PARD3: variants seen among roughly 807,000 people sequenced by gnomAD.
PARD3 encodes the protein partitioning defective 3 homolog.
PARD3 carries 75 observed loss-of-function variants against 155.4 expected under a neutral mutation model. That is an observed-to-expected ratio of 0.48 (90% CI 0.40 to 0.58). The LOEUF (loss-of-function observed/expected upper bound fraction) is 0.58, where lower values mean the gene tolerates loss of function less well. Among genes scored for constraint, PARD3 ranks in the 20% least tolerant of loss-of-function variants. The pLI is 0.00. For synonymous variants in PARD3, 576 were observed against 610.5 expected, an observed-to-expected ratio of 0.94 and a Z score of 0.83; for missense variants, 1,642 against 1,721.7, an observed-to-expected ratio of 0.95 and a Z score of 0.82.
chr10:34,177,647 C>T (rs962448452), intron 22 of PARD3, among the ~76,000 whole-genome samples: 11 of 152,186 alleles, frequency 7.2e-5, no homozygotes, highest in South Asian at 4.1e-4. Context: ...GCAATTAGAA[C>T]GCAAGACTCG....
intron 2 of PARD3, among the ~76,000 whole-genome samples, chr10:34,655,207 CTT>C (rs1478789648): frequency 6.6e-6 from 1 of 151,830 alleles, no homozygotes; most frequent in East Asian, 1.9e-4. Context: ...GAAAAATAAA[CTT>C]AACACCCTAT....
intron 3 of PARD3, among the ~76,000 whole-genome samples, chr10:34,476,370 A>G (rs2078704511): frequency 6.6e-6 from 1 of 152,090 alleles, no homozygotes; most frequent in African/African-American, 2.4e-5. Context: ...TGATCTCTAC[A>G]TTTTTGCCCC....
chr10:34,610,281 T>G (rs1418657955), intron 2 of PARD3, among the ~76,000 whole-genome samples: 1 of 152,192 alleles, frequency 6.6e-6, no homozygotes, highest in Non-Finnish European at 1.5e-5. Flanking sequence ...AACGTGAAAG[T>G]TGCTGAATGC....
At chr10:34,344,580 C>A (rs1837204692) in intron 15 of PARD3, 3 of 985,112 alleles carry the variant, frequency 3.0e-6, no homozygotes, top group South Asian at 9.4e-5. Flanking sequence ...CTGTGCCCAG[C>A]TGCATTGTTG....
Position 34,688,693 on chromosome 10 carries a change from T to A in PARD3, c.222+7625A>T, listed in dbSNP as rs572285377. Among the ~76,000 whole-genome samples the A allele has an allele frequency of 1.9e-4, 29 of 152,264 alleles. 1 individual carries two copies. The highest frequency in any genetic ancestry group is 5.8e-4 in the African/African-American group (24 of 41,548). On this transcript the variant is annotated intron_variant, in intron 2 of 24. Transcript: ENST00000374788. ...TACCATTTGAACAAATTTGGGTAAA[T>A]CCTGGAAGTGAGAACTGTATAGGCA...
intron 1 of PARD3, among the ~76,000 whole-genome samples, chr10:34,729,512 C>T (rs1178632010): frequency 7.4e-6 from 1 of 134,686 alleles, no homozygotes; most frequent in African/African-American, 2.8e-5. Context: ...GCCTGGGCAA[C>T]AGGGCAAGAC....
intron 2 of PARD3, among the ~76,000 whole-genome samples, chr10:34,562,263 C>A (rs1347890465): frequency 6.6e-6 from 1 of 151,464 alleles, no homozygotes; most frequent in Non-Finnish European, 1.5e-5. Context: ...ATGGTGAAAC[C>A]CCATCTCTAC....
chr10:34,535,381 G>A (rs1466150418), intron 2 of PARD3, among the ~76,000 whole-genome samples: 2 of 152,150 alleles, frequency 1.3e-5, no homozygotes, highest in Non-Finnish European at 2.9e-5. Context: ...AGTCAAAACG[G>A]ATACCAGACA....
At position 34,125,071 on chromosome 10, in the gene PARD3, C is replaced by CTTTTTTTTTTTTTTTT. The variant is rs71523316; in HGVS notation, c.3541-5332_3541-5331insAAAAAAAAAAAAAAAA. On this transcript the variant is annotated intron_variant, in intron 23 of 24. Transcript: ENST00000374788. Reference sequence around the variant, plus strand: ...GGCTTATCTCCAGGTCTATTTCTTTCTTTTTTTTTTTTTGAGACGGAGTCT... The same window carrying CTTTTTTTTTTTTTTTT: ...GGCTTATCTCCAGGTCTATTTCTTTCTTTTTTTTTTTTTTTTTTTTTTTTTTTTTGAGACGGAGTCT... 5.7e-4 allele frequency among the ~76,000 whole-genome samples: 80 copies of CTTTTTTTTTTTTTTTT among 140,620 alleles called. 1 individual carries two copies. Among genetic ancestry groups the CTTTTTTTTTTTTTTTT allele is most frequent in the African/African-American group, 1.9e-3 (69 of 35,898 alleles). 92.3% of individuals were successfully genotyped at this position (140,620 alleles called of 152,430 possible). A position where few individuals can be genotyped will look rare whatever the true frequency, so the allele number is the denominator to read the frequency against.
At chr10:34,593,862 C>T (rs911631675) in intron 2 of PARD3, among the ~76,000 whole-genome samples, 2 of 152,020 alleles carry the variant, frequency 1.3e-5, no homozygotes, top group African/African-American at 2.4e-5. Flanking sequence ...ATTTAAGACT[C>T]GATATTGTTC....
At chr10:34,437,004 C>T (rs2076223282) in intron 5 of PARD3, among the ~76,000 whole-genome samples, 1 of 152,172 alleles carries the variant, frequency 6.6e-6, no homozygotes, top group African/African-American at 2.4e-5. Flanking sequence ...TACTATTTTG[C>T]ATCTCCATGT....
intron 1 of PARD3, among the ~76,000 whole-genome samples, chr10:34,712,930 C>T (rs1027074286): frequency 1.4e-4 from 21 of 152,106 alleles, no homozygotes; most frequent in Non-Finnish European, 2.2e-4. Flanking sequence ...AAGCTGAGGC[C>T]GGGCGCAGTG....
At chr10:34,489,098 G>A (rs1376645275) in intron 3 of PARD3, among the ~76,000 whole-genome samples, 2 of 152,202 alleles carry the variant, frequency 1.3e-5, no homozygotes, top group Admixed American at 6.5e-5. Context: ...AGAACTTTGG[G>A]AGGCTGAAGT....
At chr10:34,431,087 G>A (rs2075875013) in intron 5 of PARD3, among the ~76,000 whole-genome samples, 1 of 152,120 alleles carries the variant, frequency 6.6e-6, no homozygotes. Flanking sequence ...CCCAGGTTGA[G>A]GCCTCTCAAG....
intron 5 of PARD3, among the ~76,000 whole-genome samples, chr10:34,420,453 T>C (rs1392190489): frequency 1.3e-5 from 2 of 152,200 alleles, no homozygotes; most frequent in Non-Finnish European, 2.9e-5. Context: ...GTGTATGATC[T>C]TAAAGAGGAT....
intron 1 of PARD3, among the ~76,000 whole-genome samples, chr10:34,800,459 A>C (rs1349967783): frequency 6.6e-6 from 1 of 151,430 alleles, no homozygotes; most frequent in Non-Finnish European, 1.5e-5. Context: ...AAAATACAAA[A>C]AATTAGCCAG....
At chr10:34,303,911 G>A (rs1468118074) in intron 20 of PARD3, among the ~76,000 whole-genome samples, 3 of 152,130 alleles carry the variant, frequency 2.0e-5, no homozygotes, top group Non-Finnish European at 4.4e-5. Context: ...TGTTTTGATA[G>A]GGAAAAATCA....
At chr10:34,391,852 A>C (rs1589410833) in intron 7 of PARD3, among the ~76,000 whole-genome samples, 1 of 152,340 alleles carries the variant, frequency 6.6e-6, no homozygotes, top group Non-Finnish European at 1.5e-5. Context: ...AAAACGCAAA[A>C]CATTAAAAAT....
chr10:34,111,404 A>G lies in PARD3; in HGVS notation c.3827T>C (p.Val1276Ala), dbSNP rs778011349. 2 of 1,614,082 alleles carry G rather than the reference A, an allele frequency of 1.2e-6. No homozygotes were observed. Among genetic ancestry groups the G allele is most frequent in the East Asian group, 2.2e-5 (1 of 44,862 alleles). ...YLGGHGFNAR[V>A]MLETQELLRQ... is the part of the protein sequence containing the mutation. ...AAGGAGCTCCTGAGTTTCCAGCATG[A>G]CCCTGGCGTTGAAGCCATGTCCTCC... Residue 1276 changes from valine to alanine, a missense_variant, in exon 25 of 25, where the codon GTC (valine) becomes GCC (alanine). Physicochemically the swap from Val to Ala is moderately conservative, Grantham distance 64. Around this residue, in one of 3 missense-constraint regions of PARD3, gnomAD observed 1,529 missense variants for 1,587.3 expected, o/e 0.96. Coordinates refer to ENST00000374788, the MANE Select transcript of PARD3 (RefSeq NM_001184785.2).
Sources: allele counts gnomAD v4.1 joint callset (sites outside exome capture counted in the v4.1 genomes callset), GRCh38; gene constraint gnomAD v4.1.1; regional missense constraint gnomAD v4.1.1; transcripts MANE v1.5; gene names NCBI Gene and HGNC (gene_info 2026-07-23, HGNC 2026-07-21).